Variants in CYLD observed in about 807,000 individuals in gnomAD.
CYLD encodes ubiquitin carboxyl-terminal hydrolase CYLD.
In CYLD, 26 loss-of-function variants were observed where a neutral mutation model predicts 104.5. The observed-to-expected ratio is 0.25, with a 90% CI of 0.18 to 0.35. The LOEUF is 0.35. Among genes scored for constraint, CYLD ranks in the 10% least tolerant of loss-of-function variants. CYLD has a pLI of 1.00. For synonymous variants in CYLD, 385 were observed against 399.9 expected (o/e 0.96, Z 0.45); for missense variants, 703 against 1,136.1 (o/e 0.62, Z 5.48).
intron 5 of CYLD, among the ~76,000 whole-genome samples, chr16:50,761,582 G>A (rs181932978): frequency 2.0e-4 from 30 of 152,286 alleles, no homozygotes; most frequent in African/African-American, 6.7e-4. Context: ...CACTTGGTGT[G>A]ATGTTTTTGA....
chr16:50,777,759 T>C (rs1597046091), intron 7 of CYLD, 66 bp from the exon 8 acceptor site: 1 of 813,248 alleles, frequency 1.2e-6, no homozygotes, highest in East Asian at 2.4e-5. Context: ...TAATTTCTCT[T>C]ACTAAAAAAA....
intron 5 of CYLD, among the ~76,000 whole-genome samples, chr16:50,767,508 C>T (rs1597019831): frequency 6.9e-6 from 1 of 145,572 alleles, no homozygotes; most frequent in South Asian, 2.1e-4. Context: ...TTTGAAAGCT[C>T]AAAAAATAAT....
intron 18 of CYLD, among the ~76,000 whole-genome samples, chr16:50,795,244 C>T (rs1971906586): frequency 6.6e-6 from 1 of 152,136 alleles, no homozygotes; most frequent in East Asian, 1.9e-4. Context: ...CTTCCAATTG[C>T]CAAAAGCTGA....
intron 12 of CYLD, chr16:50,784,734 G>A (rs1267990177): frequency 8.5e-6 from 3 of 352,126 alleles, no homozygotes; most frequent in Admixed American, 8.6e-5. Flanking sequence ...GTTTAGGAAA[G>A]CTAATACATA....
chr16:50,795,939 T>C (rs1219991985), intron 18 of CYLD, among the ~76,000 whole-genome samples: 1 of 151,976 alleles, frequency 6.6e-6, no homozygotes, highest in African/African-American at 2.4e-5. Flanking sequence ...TTTGACTAGA[T>C]CTATTCCAAA....
chr16:50,756,485 A>C (rs1369945945), intron 5 of CYLD, among the ~76,000 whole-genome samples: 2 of 152,192 alleles, frequency 1.3e-5, no homozygotes, highest in African/African-American at 4.8e-5. Flanking sequence ...TAGAAGAAAA[A>C]TCAAGCAATC....
intron 2 of CYLD, among the ~76,000 whole-genome samples, chr16:50,747,563 G>A (rs895386816): frequency 6.6e-6 from 1 of 152,178 alleles, no homozygotes; most frequent in African/African-American, 2.4e-5. Flanking sequence ...CATGTTAAAA[G>A]CATTTTGGTC....
intron 5 of CYLD, among the ~76,000 whole-genome samples, chr16:50,768,126 T>A (rs954670294): frequency 5.3e-5 from 8 of 151,496 alleles, no homozygotes; most frequent in African/African-American, 1.4e-4. Flanking sequence ...AGAATGATAT[T>A]TTTTTTTCTT....
At position 50,742,816 on chromosome 16, in the gene CYLD, T is replaced by C. The variant is rs1321726804; in HGVS notation, c.-149T>C. On this transcript the variant is annotated 5_prime_UTR_variant, in exon 2 of 19. Coordinates refer to ENST00000427738, the MANE Select transcript of CYLD (RefSeq NM_001378743.1). The stretch of plus-strand genomic sequence containing the variant: ...TACACAGCCACCCGGAGTTCCTTAG[T>C]TGAAAGGTGCGCCCTGCTGTGACAG... The C allele has an allele frequency of 1.0e-5, 4 of 396,674 alleles. No individual in the cohort carries two copies. Among genetic ancestry groups the C allele is most frequent in the African/African-American group, 2.1e-5 (1 of 48,390 alleles). 24.6% of individuals were successfully genotyped at this position (396,674 alleles called of 1,614,324 possible). A position where few individuals can be genotyped will look rare whatever the true frequency, so the allele number is the denominator to read the frequency against.
chr16:50,744,185 CTTCTT>C (rs1029983053), intron 2 of CYLD, among the ~76,000 whole-genome samples: 44 of 151,452 alleles, frequency 2.9e-4, no homozygotes, highest in African/African-American at 1.1e-3. Flanking sequence ...GTGAGAGGCT[CTTCTT>C]TTCTTTTTTT....
intron 5 of CYLD, among the ~76,000 whole-genome samples, chr16:50,773,896 C>G (rs1969396264): frequency 6.6e-6 from 1 of 152,164 alleles, no homozygotes; most frequent in Non-Finnish European, 1.5e-5. Flanking sequence ...TTGACCCCCT[C>G]TCAGACAGCC....
chr16:50,756,716 A>G (rs1350698307), intron 5 of CYLD, among the ~76,000 whole-genome samples: 2 of 152,242 alleles, frequency 1.3e-5, no homozygotes, highest in Non-Finnish European at 2.9e-5. Context: ...GGCAGACTGT[A>G]GCCAGGAATG....
chr16:50,799,760 T>G lies in CYLD; in HGVS notation c.*3252T>G, dbSNP rs375925980. 23 of 233,168 alleles carry G rather than the reference T, an allele frequency of 9.9e-5. No homozygotes were observed. Among genetic ancestry groups the G allele is most frequent in the African/African-American group, 4.6e-4 (21 of 45,310 alleles). The allele number at this position is 233,168 out of a possible 1,614,324, so 14.4% of individuals were successfully genotyped here. A position where few individuals can be genotyped will look rare whatever the true frequency, so the allele number is the denominator to read the frequency against. The stretch of plus-strand genomic sequence containing the variant: ...TTCATAGATTCAGGATTCACTACCC[T>G]CTATAGCTGGATCTTGAAAATTATC... On this transcript the variant is annotated 3_prime_UTR_variant, in exon 19 of 19. Coordinates refer to ENST00000427738, the MANE Select transcript of CYLD (RefSeq NM_001378743.1).
chr16:50,773,017 A>G (rs1567441150), intron 5 of CYLD, among the ~76,000 whole-genome samples: 1 of 152,200 alleles, frequency 6.6e-6, no homozygotes, highest in African/African-American at 2.4e-5. Flanking sequence ...AATAGTTGCT[A>G]TGTAGGATAT....
At position 50,751,637 on chromosome 16, in the gene CYLD, G is replaced by T. The variant is rs370450747; in HGVS notation, c.538G>T (p.Val180Leu). Residue 180 changes from valine to leucine, a missense_variant, in exon 4 of 19, where the codon GTG (valine) becomes TTG (leucine). By Grantham distance (32) the Val-to-Leu change is conservative. Transcript: ENST00000427738. Reference protein sequence around the residue: ...EGRGQGFTDGVYQGKQLFQCD... With the variant: ...EGRGQGFTDGLYQGKQLFQCD... ...TCGTGGTCAAGGTTTCACTGACGGG[G>T]TGTACCAAGGGAAACAGCTTTTTCA... The T allele has an allele frequency of 9.3e-6, 15 of 1,613,706 alleles. No individual in the cohort carries two copies. The highest frequency in any genetic ancestry group is 1.1e-5 in the Non-Finnish European group (13 of 1,179,752).
chr16:50,755,520 C>T (rs564111753), intron 5 of CYLD, among the ~76,000 whole-genome samples: 1 of 152,256 alleles, frequency 6.6e-6, no homozygotes, highest in Admixed American at 6.5e-5. Context: ...CCCTTTTCAC[C>T]ACATCCATGC....
chr16:50,763,757 G>A (rs1399828770), intron 5 of CYLD, among the ~76,000 whole-genome samples: 1 of 152,040 alleles, frequency 6.6e-6, no homozygotes, highest in African/African-American at 2.4e-5. Flanking sequence ...GTCCTAGCTA[G>A]GACCTCTAAA....
intron 8 of CYLD, chr16:50,778,216 T>G: frequency 3.8e-6 from 1 of 261,348 alleles, no homozygotes; most frequent in Non-Finnish European, 7.3e-6. Context: ...CCTGACCTCT[T>G]TAAAGCACTC....
chr16:50,789,113 A>G (rs1042424013), intron 14 of CYLD, among the ~76,000 whole-genome samples: 7 of 152,362 alleles, frequency 4.6e-5, no homozygotes, highest in African/African-American at 1.4e-4. Flanking sequence ...AGGCAAAGCA[A>G]TAGACTTTAA....
Sources: allele counts gnomAD v4.1 joint callset (sites outside exome capture counted in the v4.1 genomes callset), GRCh38; gene constraint gnomAD v4.1.1; transcripts MANE v1.5; gene names NCBI Gene and HGNC (gene_info 2026-07-23, HGNC 2026-07-21).